The following EHHADH variants were observed in gnomAD, a reference collection of about 807,000 sequenced individuals.
EHHADH encodes the protein enoyl-CoA hydratase and 3-hydroxyacyl CoA dehydrogenase, also known as peroxisomal bifunctional enzyme.
EHHADH carries 48 observed loss-of-function variants against 64.4 expected under a neutral mutation model. The ratio of observed to expected loss-of-function variants is 0.75; its 90% CI spans 0.59 to 0.95. The LOEUF (loss-of-function observed/expected upper bound fraction) is 0.95. Ranked by LOEUF, EHHADH falls within the 40% of genes least tolerant of loss-of-function variation. The pLI, the probability that EHHADH is intolerant of heterozygous loss-of-function variation, is 0.00. For synonymous variants in EHHADH, 308 were observed against 326.7 expected (o/e 0.94, Z 0.62); for missense variants, 854 against 876.6 (o/e 0.97, Z 0.33).
chr3:185,215,384 C>T (rs1200560039), intron 5 of EHHADH, among the ~76,000 whole-genome samples: 5 of 151,878 alleles, frequency 3.3e-5, no homozygotes, highest in Non-Finnish European at 5.9e-5. Flanking sequence ...AAACATTATA[C>T]AAAATAAAGC....
At chr3:185,248,279 T>C in intron 2 of EHHADH, 135 bp downstream of exon 2, 2 of 726,612 alleles carry the variant, frequency 2.8e-6, no homozygotes, top group East Asian at 4.9e-5. Context: ...CTCCACAGTG[T>C]TACTCATTCT....
At chr3:185,220,073 C>A (rs1420165527) in intron 4 of EHHADH, among the ~76,000 whole-genome samples, 4 of 152,036 alleles carry the variant, frequency 2.6e-5, no homozygotes, top group Non-Finnish European at 5.9e-5. Flanking sequence ...TTAAGGGAAC[C>A]AAGCAAACAC....
chr3:185,196,665 A>T (rs1208274865), intron 6 of EHHADH, among the ~76,000 whole-genome samples: 1 of 152,144 alleles, frequency 6.6e-6, no homozygotes. Context: ...AAATAATGAT[A>T]CATACTATAA....
chr3:185,219,019 T>A (rs778104229), intron 4 of EHHADH, among the ~76,000 whole-genome samples: 1 of 151,302 alleles, frequency 6.6e-6, no homozygotes, highest in Non-Finnish European at 1.5e-5. Flanking sequence ...ATAGACTCCA[T>A]CTCCAAAAAC....
intron 6 of EHHADH, among the ~76,000 whole-genome samples, chr3:185,194,184 T>G (rs1717992611): frequency 6.6e-6 from 1 of 152,176 alleles, no homozygotes; most frequent in African/African-American, 2.4e-5. Context: ...GACAAAACTA[T>G]TCAAGGTTGG....
At chr3:185,233,759 C>T (rs1022833737) in intron 3 of EHHADH, among the ~76,000 whole-genome samples, 2 of 152,268 alleles carry the variant, frequency 1.3e-5, no homozygotes, top group East Asian at 1.9e-4. Flanking sequence ...GATTCTCCTG[C>T]CTCAGCCTCC....
chr3:185,227,767 G>A (rs1418585369), intron 4 of EHHADH, among the ~76,000 whole-genome samples: 1 of 151,926 alleles, frequency 6.6e-6, no homozygotes, highest in Non-Finnish European at 1.5e-5. Flanking sequence ...CGGAGGTTGT[G>A]GTGAGTTGAG....
At chr3:185,237,705 T>C (rs1719335083) in intron 2 of EHHADH, among the ~76,000 whole-genome samples, 2 of 152,200 alleles carry the variant, frequency 1.3e-5, no homozygotes, top group South Asian at 4.1e-4. Context: ...AAGTGATATA[T>C]TATGCTTTTT....
Position 185,245,744 on chromosome 3 carries a change from C to T in EHHADH, c.178+2670G>A, listed in dbSNP as rs566412271. On this transcript the variant is annotated intron_variant, in intron 2 of 6. Transcript: ENST00000231887. Reference sequence around the variant, plus strand: ...GTACCCAATTCAACCAACAAAAATGCAAGTGTGCTGACAATATAATAGTTT... The same window carrying T: ...GTACCCAATTCAACCAACAAAAATGTAAGTGTGCTGACAATATAATAGTTT... The T allele has an allele frequency of 1.0e-4, 73 of 702,866 alleles. 1 individual carries two copies. The South Asian group carries it at 1.1e-3, about 10-fold the overall frequency. The allele number at this position is 702,866 out of a possible 1,614,324, so 43.5% of individuals were successfully genotyped here.
chr3:185,229,799 C>T (rs532624274), intron 3 of EHHADH, among the ~76,000 whole-genome samples: 1 of 152,268 alleles, frequency 6.6e-6, no homozygotes, highest in Non-Finnish European at 1.5e-5. Context: ...TATGACCTGT[C>T]TCAGCCAACA....
In EHHADH at chr3:185,245,927, T is replaced by C; in HGVS notation, c.178+2487A>G. ...ACAATTCAGCAGCTCCTCTTATGTG[T>C]AGTCTCCTTCTGAGCCTGCCCAAGC... On this transcript the variant is annotated intron_variant, in intron 2 of 6. Transcript: ENST00000231887. 5 of 1,395,652 alleles carry C rather than the reference T, an allele frequency of 3.6e-6. No homozygotes were observed. The South Asian group carries it at 4.6e-5, about 13-fold the overall frequency. 86.5% of individuals were successfully genotyped at this position (1,395,652 alleles called of 1,614,324 possible). A position where few individuals can be genotyped will look rare whatever the true frequency, so the allele number is the denominator to read the frequency against.
At chr3:185,195,112 A>G (rs1306819861) in intron 6 of EHHADH, among the ~76,000 whole-genome samples, 1 of 152,194 alleles carries the variant, frequency 6.6e-6, no homozygotes, top group Non-Finnish European at 1.5e-5. Context: ...TGTAAGAGCT[A>G]AAACTATAAA....
chr3:185,191,108 G>C lies in EHHADH; in HGVS notation c.*1118C>G, dbSNP rs1238042762. On this transcript the variant is annotated 3_prime_UTR_variant, in exon 7 of 7. Transcript: ENST00000231887. The stretch of plus-strand genomic sequence containing the variant: ...TTCATCACCCCCAATTCTAGCCTTA[G>C]GCAACCACTAATGTACGGAAAGTAT... 6.6e-6 allele frequency: 1 copy of C among 152,086 alleles called. No homozygotes were observed. Among genetic ancestry groups the C allele is most frequent in the African/African-American group, 2.4e-5 (1 of 41,396 alleles). The allele number at this position is 152,086 out of a possible 1,614,324, so 9.4% of individuals were successfully genotyped here.
At chr3:185,236,035 T>G (rs1336804948) in intron 2 of EHHADH, among the ~76,000 whole-genome samples, 1 of 152,206 alleles carries the variant, frequency 6.6e-6, no homozygotes, top group African/African-American at 2.4e-5. Flanking sequence ...AAAATAATAT[T>G]TATTGCTTTT....
chr3:185,206,606 T>C lies in EHHADH; in HGVS notation c.569-1849A>G, dbSNP rs530509601. On this transcript the variant is annotated intron_variant, in intron 5 of 6. Transcript: ENST00000231887. ...ACTTTGGGAGGCCGAGGCGGGTGGA[T>C]TGTCTGAGCTCAGGAGTTCGAGACC... Among the ~76,000 whole-genome samples, 8 of 151,982 alleles carry C rather than the reference T, an allele frequency of 5.3e-5. No individual in the cohort carries two copies. The East Asian group carries it at 1.4e-3, about 26-fold the overall frequency.
At chr3:185,212,607 G>A (rs976451821) in intron 5 of EHHADH, among the ~76,000 whole-genome samples, 5 of 152,182 alleles carry the variant, frequency 3.3e-5, no homozygotes, top group Non-Finnish European at 5.9e-5. Context: ...CAGTGGGAGT[G>A]AGAATAGGCT....
chr3:185,213,119 CAAAAAAAAAA>C (rs550233979), intron 5 of EHHADH, among the ~76,000 whole-genome samples: 13 of 43,056 alleles, frequency 3.0e-4, no homozygotes, highest in South Asian at 3.9e-3. Context: ...GACTCTGTCT[CAAAAAAAAAA>C]AAAAAAAAAA....
intron 2 of EHHADH, among the ~76,000 whole-genome samples, chr3:185,239,763 C>T (rs1377210599): frequency 6.6e-6 from 1 of 151,394 alleles, no homozygotes. Context: ...AATTTGGATG[C>T]CTTTTATTTC....
At position 185,192,278 on chromosome 3, in the gene EHHADH, G is replaced by A. The variant is rs1327982575; in HGVS notation, c.2120C>T (p.Pro707Leu). The change falls in exon 7 of 7, where the codon CCT becomes CTT. Residue 707 changes from proline (P) to leucine (L), a missense_variant. Physicochemically the swap from Pro to Leu is moderately conservative, Grantham distance 98 (BLOSUM62 -3). Transcript: ENST00000231887. The stretch of plus-strand genomic sequence containing the variant: ...CAAGCTTTGCCATTCTTTCAGGGGA[G>A]GGTTTCCCTGAGAAGCCAGTTTTTT... ...YLKKLASQGN[P>L]PLKEWQSLAG... is the part of the protein sequence containing the mutation. 8 of 1,614,142 alleles carry A rather than the reference G, an allele frequency of 5.0e-6. No homozygotes were observed. The highest frequency in any genetic ancestry group is 3.3e-5 in the Admixed American group (2 of 60,030).
Sources: allele counts gnomAD v4.1 joint callset (sites outside exome capture counted in the v4.1 genomes callset), GRCh38; gene constraint gnomAD v4.1.1; transcripts MANE v1.5; gene names NCBI Gene and HGNC (gene_info 2026-07-23, HGNC 2026-07-21).